DENND1A: variants seen among roughly 807,000 people sequenced by gnomAD.
DENND1A encodes DENN domain containing 1A.
Under a neutral mutation model 113.7 loss-of-function variants are expected in DENND1A, and 51 were observed. That is an observed-to-expected ratio of 0.45 (90% confidence interval 0.36 to 0.57). The LOEUF (loss-of-function observed/expected upper bound fraction) is 0.57. Among genes scored for constraint, DENND1A ranks in the 20% least tolerant of loss-of-function variants. The pLI, the probability that DENND1A is intolerant of heterozygous loss-of-function variation, is 0.00. For synonymous variants in DENND1A, 565 were observed against 570.8 expected, an observed-to-expected ratio of 0.99 and a Z score of 0.14; for missense variants, 1,258 against 1,395.9, an observed-to-expected ratio of 0.90 and a Z score of 1.57.
chr9:123,561,268 C>T (rs2057737417), intron 12 of DENND1A, among the ~76,000 whole-genome samples: 1 of 151,902 alleles, frequency 6.6e-6, no homozygotes, highest in Admixed American at 6.6e-5. Flanking sequence ...GGCCTCATTA[C>T]CATTTTACAC....
At chr9:123,902,744 C>G (rs1312365313) in intron 1 of DENND1A, among the ~76,000 whole-genome samples, 3 of 149,930 alleles carry the variant, frequency 2.0e-5, no homozygotes, top group Non-Finnish European at 3.0e-5. Context: ...AAAACACCAC[C>G]TCTATAAAAC....
chr9:123,776,735 A>G (rs966185683), intron 3 of DENND1A, among the ~76,000 whole-genome samples: 2 of 152,254 alleles, frequency 1.3e-5, no homozygotes, highest in Non-Finnish European at 2.9e-5. Flanking sequence ...CATAAGAAAA[A>G]AGTGATCTTT....
intron 12 of DENND1A, among the ~76,000 whole-genome samples, chr9:123,575,604 G>C (rs1362856078): frequency 6.6e-6 from 1 of 152,202 alleles, no homozygotes; most frequent in Admixed American, 6.5e-5. Flanking sequence ...GGTTAAGGTA[G>C]TGTCTGCCAG....
In DENND1A at chr9:123,381,828, A is replaced by G; in HGVS notation, c.2817T>C (p.Cys939=). ...GGTTGGGCTGAGACCTGTGAGGGGCACAGAAGCCAGCACTGGACAGCAGGA... is the reference window on the plus strand; with the variant it reads ...GGTTGGGCTGAGACCTGTGAGGGGCGCAGAAGCCAGCACTGGACAGCAGGA... ...SGLLLSSAGF[C]APHRSQPNLS... The change falls in exon 24 of 24, where the codon TGT becomes TGC. Residue 939 remains cysteine, a synonymous_variant. Transcript: ENST00000394215. This position sits in a 1 kb window ranked among gnomAD's most constrained non-coding sequence, Gnocchi z 4.7. 6.6e-7 allele frequency: 1 copy of G among 1,506,348 alleles called. No individual in the cohort carries two copies. 93.3% of individuals were successfully genotyped at this position (1,506,348 alleles called of 1,614,324 possible). A position where few individuals can be genotyped will look rare whatever the true frequency, so the allele number is the denominator to read the frequency against.
At chr9:123,546,295 T>C (rs2056675568) in intron 13 of DENND1A, among the ~76,000 whole-genome samples, 1 of 152,124 alleles carries the variant, frequency 6.6e-6, no homozygotes, top group Non-Finnish European at 1.5e-5. Flanking sequence ...ACGCCTGTAA[T>C]CCCAGCACTT....
At chr9:123,432,424 G>C (rs867316804) in intron 19 of DENND1A, among the ~76,000 whole-genome samples, 1 of 152,196 alleles carries the variant, frequency 6.6e-6, no homozygotes, top group East Asian at 1.9e-4. Flanking sequence ...TCATGGCAGC[G>C]AATGAGTCCA....
intron 11 of DENND1A, among the ~76,000 whole-genome samples, chr9:123,596,264 C>T (rs1395441667): frequency 6.6e-6 from 1 of 152,190 alleles, no homozygotes; most frequent in African/African-American, 2.4e-5. Flanking sequence ...GCAGTTAAAA[C>T]TTGTTTAGTG....
chr9:123,387,581 G>T, intron 22 of DENND1A, 149 bp downstream of exon 22: 1 of 866,142 alleles, frequency 1.2e-6, no homozygotes, highest in Non-Finnish European at 1.6e-6. Context: ...TGTCCACCCT[G>T]CATGTTGGCA....
At chr9:123,772,185 A>G (rs1407021168) in intron 3 of DENND1A, among the ~76,000 whole-genome samples, 1 of 152,226 alleles carries the variant, frequency 6.6e-6, no homozygotes, top group African/African-American at 2.4e-5. Context: ...CAATTAAATA[A>G]ACCCATTTTC....
chr9:123,518,031 T>C (rs1035390928), intron 13 of DENND1A, among the ~76,000 whole-genome samples: 2 of 152,164 alleles, frequency 1.3e-5, no homozygotes, highest in African/African-American at 2.4e-5. Context: ...AAGCTGACCC[T>C]TTTTTCCTGG....
chr9:123,746,922 C>A (rs1233161284), intron 5 of DENND1A, among the ~76,000 whole-genome samples: 1 of 152,022 alleles, frequency 6.6e-6, no homozygotes, highest in Non-Finnish European at 1.5e-5. Flanking sequence ...AAGTTGGTAT[C>A]CAAAATTACA....
chr9:123,786,211 CA>C (rs111561874), intron 3 of DENND1A, among the ~76,000 whole-genome samples: 3,460 of 135,944 alleles, frequency 0.025, 51 homozygotes, highest in South Asian at 0.081. Context: ...AAGACTGTCT[CA>C]AAAAAAAAAA....
chr9:123,485,925 AT>A (rs973999666), intron 13 of DENND1A, among the ~76,000 whole-genome samples: 1 of 152,016 alleles, frequency 6.6e-6, no homozygotes, highest in African/African-American at 2.4e-5. Flanking sequence ...AGCAGATTTC[AT>A]TTTCTGAATC....
At chr9:123,387,593 TG>T in intron 22 of DENND1A, 136 bp downstream of exon 22, 2 of 1,023,672 alleles carry the variant, frequency 2.0e-6, no homozygotes, top group Non-Finnish European at 2.6e-6. Flanking sequence ...ATGTTGGCAC[TG>T]GGGCACCGGC....
At chr9:123,838,741 T>C (rs1254002407) in intron 2 of DENND1A, among the ~76,000 whole-genome samples, 1 of 152,150 alleles carries the variant, frequency 6.6e-6, no homozygotes, top group Non-Finnish European at 1.5e-5. Context: ...GCAAGTAGGA[T>C]CCAATTATGG....
intron 10 of DENND1A, among the ~76,000 whole-genome samples, chr9:123,620,216 A>G (rs2060877517): frequency 8.6e-6 from 1 of 116,564 alleles, no homozygotes; most frequent in Admixed American, 9.0e-5. Flanking sequence ...TCCATCTCAA[A>G]AAAAAAAAAA....
intron 9 of DENND1A, among the ~76,000 whole-genome samples, chr9:123,634,376 A>T (rs1178774889): frequency 6.6e-6 from 1 of 152,270 alleles, no homozygotes; most frequent in African/African-American, 2.4e-5. Context: ...CCAAAATACT[A>T]AATGACATAA....
intron 13 of DENND1A, among the ~76,000 whole-genome samples, chr9:123,518,646 C>T (rs2054135370): frequency 6.6e-6 from 1 of 152,084 alleles, no homozygotes; most frequent in Non-Finnish European, 1.5e-5. Context: ...GACAAGAGAG[C>T]CCATGGGAAT....
intron 2 of DENND1A, among the ~76,000 whole-genome samples, chr9:123,822,171 A>G (rs1838584008): frequency 6.6e-6 from 1 of 152,214 alleles, no homozygotes; most frequent in Non-Finnish European, 1.5e-5. Flanking sequence ...CTGGCTTTCT[A>G]TCAAACTGAT....
Sources: gnomAD v4.1 joint callset for allele counts (sites outside exome capture counted in the v4.1 genomes callset) on GRCh38, gnomAD v4.1.1 for gene constraint, Gnocchi (gnomAD v3.1) non-coding constraint, MANE v1.5 for transcripts, NCBI Gene and HGNC (gene_info 2026-07-23, HGNC 2026-07-21) for gene names.